The following CTIF variants were observed in gnomAD, a reference collection of about 807,000 sequenced individuals.
CTIF encodes the protein CBP80/20-dependent translation initiation factor.
A neutral mutation model predicts 66.0 loss-of-function variants in CTIF; 21 were observed. The ratio of observed to expected loss-of-function variants is 0.32; its 90% CI spans 0.23 to 0.46. The LOEUF (loss-of-function observed/expected upper bound fraction) is 0.46, where lower values mean the gene tolerates loss of function less well. Ranked by LOEUF, CTIF falls within the 20% of genes least tolerant of loss-of-function variation. The probability of loss-of-function intolerance (pLI) is 1.00; values close to 1 mark genes in which losing one functional copy is unlikely to be tolerated. For missense variants in CTIF, 739 were observed against 812.7 expected (o/e 0.91, Z 1.10); for synonymous variants, 345 against 326.4 (o/e 1.06, Z -0.62).
intron 6 of CTIF, chr18:48,692,578 A>C (rs1035222017): frequency 6.6e-6 from 1 of 152,240 alleles, no homozygotes; most frequent in South Asian, 2.1e-4. Flanking sequence ...TTTAGCGTGC[A>C]TATGAATAGC....
At chr18:48,765,925 TTTTTA>T (rs1272833154) in intron 9 of CTIF, among the ~76,000 whole-genome samples, 10 of 150,726 alleles carry the variant, frequency 6.6e-5, no homozygotes, top group East Asian at 2.0e-4. Context: ...TTTTTTTTAC[TTTTTA>T]TTTTATTTTA....
chr18:48,834,434 T>C (rs2068764606), intron 10 of CTIF, among the ~76,000 whole-genome samples: 1 of 152,256 alleles, frequency 6.6e-6, no homozygotes, highest in Non-Finnish European at 1.5e-5. Flanking sequence ...AAGCAGGCCA[T>C]GGCCAGATTT....
At chr18:48,573,883 C>T (rs1039418007) in intron 1 of CTIF, among the ~76,000 whole-genome samples, 7 of 152,228 alleles carry the variant, frequency 4.6e-5, no homozygotes, top group Non-Finnish European at 8.8e-5. Context: ...TGCCTCTGGC[C>T]GCCTCTGTAT....
intron 7 of CTIF, among the ~76,000 whole-genome samples, chr18:48,753,947 C>T (rs1410591905): frequency 1.3e-5 from 2 of 152,162 alleles, no homozygotes; most frequent in African/African-American, 2.4e-5. Flanking sequence ...TCGACGAAAC[C>T]CAGCGCCAGC....
intron 7 of CTIF, among the ~76,000 whole-genome samples, chr18:48,748,867 A>G (rs527598453): frequency 1.3e-5 from 2 of 152,320 alleles, no homozygotes; most frequent in South Asian, 4.1e-4. Flanking sequence ...CTCCCATGAC[A>G]GGAAGCTCAC....
intron 9 of CTIF, among the ~76,000 whole-genome samples, chr18:48,780,064 C>T (rs770318552): frequency 1.1e-4 from 16 of 152,142 alleles, no homozygotes; most frequent in Non-Finnish European, 2.2e-4. Flanking sequence ...TGTGTACCTC[C>T]GTTGCCTGTC....
chr18:48,771,592 G>C (rs1910123236), intron 9 of CTIF, among the ~76,000 whole-genome samples: 1 of 152,176 alleles, frequency 6.6e-6, no homozygotes, highest in African/African-American at 2.4e-5. Context: ...TAAATCCCCT[G>C]ATAGAACTTG....
chr18:48,683,872 G>C (rs575963708), intron 6 of CTIF, among the ~76,000 whole-genome samples: 5 of 152,300 alleles, frequency 3.3e-5, no homozygotes, highest in African/African-American at 1.2e-4. Context: ...CACCAGCCCT[G>C]AAAATTTGGG....
intron 9 of CTIF, among the ~76,000 whole-genome samples, chr18:48,799,002 C>T (rs893733240): frequency 1.3e-5 from 2 of 152,148 alleles, no homozygotes; most frequent in Admixed American, 6.5e-5. Context: ...AGCCTCCTCT[C>T]GCTGCCACCA....
intron 2 of CTIF, among the ~76,000 whole-genome samples, chr18:48,633,380 A>G (rs1229235012): frequency 6.6e-6 from 1 of 152,176 alleles, no homozygotes; most frequent in Non-Finnish European, 1.5e-5. Context: ...ATACATATAC[A>G]TATGTTTATG....
At chr18:48,817,530 C>T (rs1011027476) in intron 10 of CTIF, among the ~76,000 whole-genome samples, 154 bp downstream of exon 10, 27 of 152,274 alleles carry the variant, frequency 1.8e-4, no homozygotes, top group Admixed American at 1.4e-3. Context: ...AATCCCAGCA[C>T]TTTGGGAGGC....
At chr18:48,568,138 G>A (rs1260542079) in intron 1 of CTIF, 1 of 151,676 alleles carries the variant, frequency 6.6e-6, no homozygotes, top group Non-Finnish European at 1.5e-5. Flanking sequence ...AAAAAAAAAA[G>A]TAAAGTGTAA....
intron 1 of CTIF, among the ~76,000 whole-genome samples, chr18:48,601,942 T>A (rs138570532): frequency 6.6e-6 from 1 of 152,232 alleles, no homozygotes; most frequent in Admixed American, 6.5e-5. Flanking sequence ...TCACCTATAA[T>A]ATGAAGAATT....
chr18:48,662,700 T>G (rs2091367392), intron 3 of CTIF: 1 of 151,952 alleles, frequency 6.6e-6, no homozygotes, highest in South Asian at 2.1e-4. Flanking sequence ...CCTCTTCCAG[T>G]TACTATCTGA....
intron 6 of CTIF, among the ~76,000 whole-genome samples, chr18:48,680,896 C>T (rs1042809826): frequency 2.6e-4 from 39 of 152,196 alleles, no homozygotes; most frequent in African/African-American, 7.2e-4. Context: ...AGTTTAGGGG[C>T]GGAGAAGCCC....
At chr18:48,639,014 T>C (rs1461892645) in intron 3 of CTIF, among the ~76,000 whole-genome samples, 1 of 152,126 alleles carries the variant, frequency 6.6e-6, no homozygotes, top group Non-Finnish European at 1.5e-5. Context: ...GAGGGAGAGA[T>C]GTCTACTTCC....
At chr18:48,797,213 T>A (rs1313728101) in intron 9 of CTIF, among the ~76,000 whole-genome samples, 1 of 152,222 alleles carries the variant, frequency 6.6e-6, no homozygotes, top group Non-Finnish European at 1.5e-5. Context: ...CTGGGCACGA[T>A]GGCTCACACC....
At chr18:48,614,836 T>C (rs1166635400) in intron 1 of CTIF, among the ~76,000 whole-genome samples, 1 of 152,084 alleles carries the variant, frequency 6.6e-6, no homozygotes, top group Non-Finnish European at 1.5e-5. Flanking sequence ...GATTATAAGG[T>C]TTTGATTTGT....
intron 7 of CTIF, among the ~76,000 whole-genome samples, chr18:48,736,041 A>G (rs2092499529): frequency 6.6e-6 from 1 of 152,154 alleles, no homozygotes; most frequent in Non-Finnish European, 1.5e-5. Flanking sequence ...TGGCTTCTCC[A>G]TAGAAGCGAC....
Sources: allele counts gnomAD v4.1 joint callset (sites outside exome capture counted in the v4.1 genomes callset), GRCh38; gene constraint gnomAD v4.1.1; transcripts MANE v1.5; gene names NCBI Gene and HGNC (gene_info 2026-07-23, HGNC 2026-07-21).